Variants in SCNN1A observed in about 807,000 individuals in gnomAD.
SCNN1A encodes sodium channel epithelial 1 subunit alpha, also known as epithelial sodium channel subunit alpha.
A neutral mutation model predicts 68.6 loss-of-function variants in SCNN1A; 65 were observed. The observed-to-expected ratio is 0.95, with a 90% CI of 0.78 to 1.16. The LOEUF is 1.16. Ranked by LOEUF, SCNN1A falls within the 50% of genes most tolerant of loss-of-function variation. The pLI is 0.00. For synonymous variants in SCNN1A, 357 were observed against 353.3 expected (o/e 1.01, Z -0.12); for missense variants, 880 against 865.9 (o/e 1.02, Z -0.20).
upstream of SCNN1A, chr12:6,375,647 G>T: frequency 6.7e-7 from 1 of 1,484,542 alleles, no homozygotes; most frequent in Non-Finnish European, 8.9e-7. Context: ...GGAGTTTTCC[G>T]AAGGAAGGAG....
intron 2 of SCNN1A, among the ~76,000 whole-genome samples, chr12:6,369,181 G>T (rs1948733366): frequency 6.6e-6 from 1 of 151,806 alleles, no homozygotes. Flanking sequence ...ACTTCAATCT[G>T]GTTGTCACTT....
chr12:6,363,523 G>C lies in SCNN1A; in HGVS notation c.604C>G (p.Arg202Gly), dbSNP rs1165464622. 8.7e-6 allele frequency: 14 copies of C among 1,609,398 alleles called. No homozygotes were observed. In the Admixed American group the frequency reaches 1.8e-4, roughly 21 times the overall value. ...AAGCTGGAGGCCACGCTACGGGCTC[G>C]ACGGGCCCCGTGAGGCGGGGGCGGG... ...RVPPPPHGAR[R>G]ARSVASSLRD... The change falls in exon 3 of 13, where the codon CGA (arginine) becomes GGA (glycine). Residue 202 changes from arginine (R) to glycine (G), a missense_variant. This residue lies in a region of SCNN1A where 758 missense variants were observed against 721.8 expected (regional missense o/e 1.05). Coordinates refer to ENST00000228916, the MANE Select transcript of SCNN1A (RefSeq NM_001038.6).
intron 12 of SCNN1A, 64 bp downstream of exon 12, chr12:6,348,663 C>T (rs965462700): frequency 2.8e-5 from 40 of 1,435,524 alleles, no homozygotes; most frequent in Non-Finnish European, 3.9e-5. Flanking sequence ...TTGGTTTTCC[C>T]CGACAGCCGC....
At chr12:6,375,314 T>C in intron 1 of SCNN1A, 191 bp downstream of exon 1, 1 of 1,435,214 alleles carries the variant, frequency 7.0e-7, no homozygotes, top group Non-Finnish European at 9.1e-7. Context: ...CCTTGCCCCC[T>C]CTCACTCTAG....
intron 12 of SCNN1A, 120 bp downstream of exon 12, chr12:6,348,603 GGTCC>G: frequency 3.9e-6 from 3 of 767,992 alleles, no homozygotes; most frequent in Non-Finnish European, 6.3e-6. Context: ...CCTCTTCTTT[GGTCC>G]CCTGCCTTTG....
chr12:6,363,710 C>G lies in SCNN1A; in HGVS notation c.417G>C (p.Arg139Ser). The G allele has an allele frequency of 6.3e-7, 1 of 1,593,878 alleles. No individual in the cohort carries two copies. The highest frequency in any genetic ancestry group is 1.1e-5 in the South Asian group (1 of 88,432). ...AVTICTLNPYRYPEIKEELEE... is the reference protein window; with the variant it reads ...AVTICTLNPYSYPEIKEELEE... Reference sequence around the variant, plus strand: ...CCAGCTCCTCTTTAATTTCCGGGTACCTGAAGGGGCGAGGGGAAGAGGGTC... The same window carrying G: ...CCAGCTCCTCTTTAATTTCCGGGTAGCTGAAGGGGCGAGGGGAAGAGGGTC... The change falls in exon 3 of 13, where the codon AGG becomes AGC. Residue 139 changes from arginine to serine, a missense_variant and splice_region_variant. Arg to Ser is a moderately radical substitution (Grantham distance 110). This residue lies in a region of SCNN1A where 758 missense variants were observed against 721.8 expected (regional missense o/e 1.05). Coordinates refer to ENST00000228916, the MANE Select transcript of SCNN1A (RefSeq NM_001038.6).
chr12:6,375,092 C>T (rs889216233), intron 1 of SCNN1A: 13 of 1,514,148 alleles, frequency 8.6e-6, no homozygotes, highest in Non-Finnish European at 1.1e-5. Context: ...CCTCTGCTTC[C>T]CTGATAGGGC....
rs55981728 is a variant in SCNN1A, at chr12:6,347,577, G to A, written c.*296C>T. On this transcript the variant is annotated 3_prime_UTR_variant, in exon 13 of 13. Coordinates refer to ENST00000228916, the MANE Select transcript of SCNN1A (RefSeq NM_001038.6). The stretch of plus-strand genomic sequence containing the variant: ...GTTCCTTGTCAAAGCTCCAAGTTTC[G>A]CTTGGCTGATCCAAGGGAAAAAGAG... 3,953 of 456,604 alleles carry A rather than the reference G, an allele frequency of 8.7e-3. 31 individuals are homozygous for A. The highest frequency in any genetic ancestry group is 0.012 in the Non-Finnish European group (3,036 of 250,312). 28.3% of individuals were successfully genotyped at this position (456,604 alleles called of 1,614,324 possible). A position where few individuals can be genotyped will look rare whatever the true frequency, so the allele number is the denominator to read the frequency against.
Position 6,348,665 on chromosome 12 carries a change from G to C in SCNN1A, c.1629+62C>G, listed in dbSNP as rs779576688. 1.9e-5 allele frequency: 27 copies of C among 1,440,712 alleles called. 1 individual carries two copies. In the South Asian group the frequency reaches 2.6e-4, roughly 14 times the overall value. 89.2% of individuals were successfully genotyped at this position (1,440,712 alleles called of 1,614,324 possible). A position where few individuals can be genotyped will look rare whatever the true frequency, so the allele number is the denominator to read the frequency against. ...CAGAGACAACCTTTTGGTTTTCCCC[G>C]ACAGCCGCCCTGCTAAGTAAGACCC... On this transcript the variant is annotated intron_variant, in intron 12 of 12. Transcript: ENST00000228916.
chr12:6,347,888 A>G lies in SCNN1A; in HGVS notation c.1995T>C (p.Pro665=). Residue 665 remains proline (P), a synonymous_variant, in exon 13 of 13, where the codon CCT becomes CCC. Transcript: ENST00000228916. ...TCCTTCCCTCTCAGGGCCCCCCCAG[A>G]GGACAGGTGGAGGAACTGGCCCCTG... ...GSAGASSSTC[P]LGGP 1 of 1,602,236 alleles carries G rather than the reference A, an allele frequency of 6.2e-7. No homozygotes were observed. Among genetic ancestry groups the G allele is most frequent in the Non-Finnish European group, 8.5e-7 (1 of 1,174,808 alleles).
intron 2 of SCNN1A, among the ~76,000 whole-genome samples, chr12:6,366,704 G>T (rs1201765632): frequency 3.3e-5 from 5 of 152,034 alleles, no homozygotes; most frequent in Non-Finnish European, 4.4e-5. Flanking sequence ...GGAGGCTGAG[G>T]CAGGAGAATC....
At chr12:6,356,305 T>TC (rs1458018158) in intron 4 of SCNN1A, 2 of 258,230 alleles carry the variant, frequency 7.7e-6, no homozygotes, top group African/African-American at 2.2e-5. Flanking sequence ...AAGTGTTAGT[T>TC]CCCCATTGAA....
chr12:6,357,253 G>A (rs753981841), intron 4 of SCNN1A, among the ~76,000 whole-genome samples: 3 of 152,116 alleles, frequency 2.0e-5, no homozygotes, highest in African/African-American at 4.8e-5. Flanking sequence ...GGAGAAACAC[G>A]GATGGGTTTT....
chr12:6,354,901 T>A (rs935590105), intron 6 of SCNN1A, 53 bp from the exon 7 acceptor site: 4 of 1,411,326 alleles, frequency 2.8e-6, no homozygotes, highest in Non-Finnish European at 4.0e-6. Context: ...TGCCTCTGGG[T>A]TCTCTGCCTT....
At chr12:6,354,130 C>G (rs1948449446) in intron 8 of SCNN1A, among the ~76,000 whole-genome samples, 1 of 151,846 alleles carries the variant, frequency 6.6e-6, no homozygotes, top group Admixed American at 6.6e-5. Context: ...ATTCAGGAGG[C>G]TGAGGCAGGA....
At chr12:6,368,186 CAATG>C (rs1948713095) in intron 2 of SCNN1A, among the ~76,000 whole-genome samples, 1 of 152,192 alleles carries the variant, frequency 6.6e-6, no homozygotes, top group Non-Finnish European at 1.5e-5. Context: ...ACTGAGCAAA[CAATG>C]AACCTCGAAT....
chr12:6,357,741 T>C (rs1264770190), intron 4 of SCNN1A, among the ~76,000 whole-genome samples: 2 of 152,070 alleles, frequency 1.3e-5, no homozygotes, highest in Non-Finnish European at 2.9e-5. Flanking sequence ...CTGACGCCTG[T>C]AATCCCAGCA....
intron 2 of SCNN1A, 136 bp from the exon 3 acceptor site, chr12:6,363,846 T>G: frequency 1.5e-6 from 1 of 676,542 alleles, no homozygotes; most frequent in Non-Finnish European, 2.2e-6. Context: ...GGGGTCGTCG[T>G]GGCGCCTCCT....
chr12:6,360,527 A>C (rs1948564908), intron 4 of SCNN1A, among the ~76,000 whole-genome samples: 1 of 152,252 alleles, frequency 6.6e-6, no homozygotes, highest in Non-Finnish European at 1.5e-5. Flanking sequence ...AGGTGTTGCT[A>C]CCATCTTACT....
Sources: allele counts gnomAD v4.1 joint callset (sites outside exome capture counted in the v4.1 genomes callset), GRCh38; gene constraint gnomAD v4.1.1; regional missense constraint gnomAD v4.1.1; transcripts MANE v1.5; gene names NCBI Gene and HGNC (gene_info 2026-07-23, HGNC 2026-07-21).